The following PLB1 variants were observed in gnomAD, a reference collection of about 807,000 sequenced individuals.
PLB1 encodes phospholipase B1, membrane-associated.
Under a neutral mutation model 227.4 loss-of-function variants are expected in PLB1, and 242 were observed. That is an observed-to-expected ratio of 1.06 (90% CI 0.96 to 1.18). The LOEUF is 1.18. Ranked by LOEUF, PLB1 falls within the 50% of genes most tolerant of loss-of-function variation. The probability of loss-of-function intolerance (pLI) is 0.00; values close to 1 mark genes in which losing one functional copy is unlikely to be tolerated. For missense variants in PLB1, 1,858 were observed against 1,816.3 expected, an observed-to-expected ratio of 1.02 and a Z score of -0.42; for synonymous variants, 757 against 682.2, an observed-to-expected ratio of 1.11 and a Z score of -1.71.
intron 49 of PLB1, among the ~76,000 whole-genome samples, chr2:28,623,971 C>T (rs1160299521): frequency 1.3e-5 from 2 of 152,126 alleles, no homozygotes; most frequent in African/African-American, 4.8e-5. Context: ...GTGGCATGGA[C>T]CTGTAGTCCC....
chr2:28,582,557 C>T (rs1156906507), intron 25 of PLB1, 52 bp downstream of exon 25: 2 of 1,361,910 alleles, frequency 1.5e-6, no homozygotes, highest in East Asian at 2.5e-5. Context: ...CTGCTAAGGG[C>T]AGTGGCACCC....
At chr2:28,511,807 T>G (rs1347949146) in intron 1 of PLB1, among the ~76,000 whole-genome samples, 1 of 149,244 alleles carries the variant, frequency 6.7e-6, no homozygotes, top group East Asian at 2.0e-4. Flanking sequence ...TTTTTTGAGA[T>G]GGAGTTTTGC....
intron 1 of PLB1, among the ~76,000 whole-genome samples, chr2:28,502,240 T>C (rs1415925636): frequency 6.6e-6 from 1 of 152,306 alleles, no homozygotes; most frequent in Non-Finnish European, 1.5e-5. Context: ...TTTGATTATG[T>C]TTTCATATTT....
chr2:28,520,605 T>G (rs1325178969), intron 4 of PLB1, among the ~76,000 whole-genome samples: 4 of 152,128 alleles, frequency 2.6e-5, no homozygotes, highest in Non-Finnish European at 5.9e-5. Context: ...AACATCTCAT[T>G]CTCCTCTTCT....
rs367568773 is a variant in PLB1, at chr2:28,589,705, C to T, written c.1951C>T (p.Pro651Ser). Residue 651 changes from proline (P) to serine (S), a missense_variant, in exon 28 of 58, where the codon CCT (proline) becomes TCT (serine). By Grantham distance (74) the Pro-to-Ser change is moderately conservative. Coordinates refer to ENST00000327757, the MANE Select transcript of PLB1 (RefSeq NM_153021.5). ...EGLPDNSFFA[P>S]DCFHFSSKSH... ...ATTGCCTGACAACTCTTTCTTCGCT[C>T]CTGACTGTTTCCACTTCAGCAGCAA... The T allele has an allele frequency of 3.6e-5, 58 of 1,613,962 alleles. No homozygotes were observed. In the African/African-American group the frequency reaches 7.3e-4, roughly 20 times the overall value.
intron 34 of PLB1, 103 bp downstream of exon 34, chr2:28,598,151 T>TA: frequency 1.0e-6 from 1 of 968,304 alleles, no homozygotes; most frequent in Non-Finnish European, 1.6e-6. Context: ...ACATCTGCCT[T>TA]ATGGCCCAGC....
In PLB1 at chr2:28,590,021, A is replaced by C; in HGVS notation, c.2033A>C (p.Gln678Pro). The C allele has an allele frequency of 6.2e-7, 1 of 1,613,828 alleles. No homozygotes were observed. Among genetic ancestry groups the C allele is most frequent in the Non-Finnish European group, 8.5e-7 (1 of 1,179,748 alleles). The change falls in exon 29 of 58, where the codon CAG (glutamine) becomes CCG (proline). Residue 678 changes from glutamine to proline, a missense_variant. Physicochemically the swap from Gln to Pro is moderately conservative, Grantham distance 76. Transcript: ENST00000327757. The part of the protein sequence containing the change: ...LWNNMLEPVG[Q>P]KTTRHKFENK... The stretch of plus-strand genomic sequence containing the variant: ...TTTGTTTAGCTGGAGCCTGTTGGCC[A>C]GAAGACGACTCGTCATAAGTTTGAA...
Position 28,616,066 on chromosome 2 carries a change from T to C in PLB1, c.3196-1661T>C, listed in dbSNP as rs73922202. Among the ~76,000 whole-genome samples, 461 of 152,328 alleles carry C rather than the reference T, an allele frequency of 3.0e-3. 4 individuals carry two copies. Among genetic ancestry groups the C allele is most frequent in the African/African-American group, 0.011 (443 of 41,582 alleles). On this transcript the variant is annotated intron_variant, in intron 44 of 57. Transcript: ENST00000327757. ...AGTATAAATAGTGGTTATTAGAGGC[T>C]GGGAAGGGTGGATGGTGGTTGGGGA...
chr2:28,624,925 T>C, intron 49 of PLB1, 132 bp from the exon 50 acceptor site: 1 of 841,016 alleles, frequency 1.2e-6, no homozygotes, highest in Non-Finnish European at 1.9e-6. Context: ...TGAGATTTCT[T>C]GAGAATGGAA....
chr2:28,538,639 G>C (rs558702527), intron 10 of PLB1, among the ~76,000 whole-genome samples: 3 of 152,282 alleles, frequency 2.0e-5, no homozygotes, highest in East Asian at 3.9e-4. Flanking sequence ...CTTCCCTAAG[G>C]CCTCTCTCTA....
intron 6 of PLB1, among the ~76,000 whole-genome samples, 185 bp downstream of exon 6, chr2:28,526,130 G>C (rs370539298): frequency 2.6e-5 from 4 of 152,170 alleles, no homozygotes; most frequent in Admixed American, 2.6e-4. Flanking sequence ...AACCCTGAAT[G>C]GGGGTGTGCG....
Position 28,565,781 on chromosome 2 carries a change from G to A in PLB1, c.1280+428G>A, listed in dbSNP as rs986500545. Among the ~76,000 whole-genome samples the A allele has an allele frequency of 3.9e-5, 6 of 152,314 alleles. No homozygotes were observed. The East Asian group carries it at 1.2e-3, about 29-fold the overall frequency. ...CTGAGCTTCTCTCCTCATCTCTGATGCAGAAATAATGCTACTACCTGAGCA... is the reference window on the plus strand; with the variant it reads ...CTGAGCTTCTCTCCTCATCTCTGATACAGAAATAATGCTACTACCTGAGCA... On this transcript the variant is annotated intron_variant, in intron 19 of 57. Transcript: ENST00000327757.
intron 56 of PLB1, among the ~76,000 whole-genome samples, chr2:28,635,422 A>G (rs1423048711): frequency 6.6e-6 from 1 of 152,212 alleles, no homozygotes; most frequent in Non-Finnish European, 1.5e-5. Context: ...GCCCAACATA[A>G]CACAGACTGT....
chr2:28,616,830 TG>T (rs1195027243), intron 44 of PLB1, among the ~76,000 whole-genome samples: 1 of 152,246 alleles, frequency 6.6e-6, no homozygotes, highest in Non-Finnish European at 1.5e-5. Flanking sequence ...GTTCCATTTT[TG>T]CTCTCTCATG....
At chr2:28,525,429 C>T (rs1572749227) in intron 5 of PLB1, 122 bp downstream of exon 5, 2 of 1,094,876 alleles carry the variant, frequency 1.8e-6, no homozygotes, top group South Asian at 1.5e-5. Context: ...TCAAGGCTAC[C>T]CTCTGAGAAG....
At chr2:28,633,240 A>G in intron 56 of PLB1, 1 of 558,764 alleles carries the variant, frequency 1.8e-6, no homozygotes, top group Non-Finnish European at 3.2e-6. Context: ...AAAGTTATAC[A>G]AACACACACT....
rs1229346251 is a variant in PLB1 at position 28,604,036 on chromosome 2, C to A, written c.2845C>A (p.Arg949=). Residue 949 remains arginine (R), a synonymous_variant, in exon 40 of 58, where the codon CGA becomes AGA. Transcript: ENST00000327757. ...GCTAGCCAGGCTGGAGGCCTTCAGC[C>A]GAGCCTACCGGGTAAGACCAAGAAG... is the stretch of plus-strand genomic sequence containing the variant. The part of the protein sequence containing the change: ...QELARLEAFS[R]AYRSSMRELV... 5.6e-6 allele frequency: 9 copies of A among 1,613,766 alleles called. No homozygotes were observed. Among genetic ancestry groups the A allele is most frequent in the African/African-American group, 1.3e-5 (1 of 74,940 alleles).
At chr2:28,534,826 C>G (rs573097560) in intron 9 of PLB1, among the ~76,000 whole-genome samples, 34 of 151,838 alleles carry the variant, frequency 2.2e-4, no homozygotes, top group Admixed American at 7.9e-4. Flanking sequence ...TGCACTCCAG[C>G]CTGGGTGACA....
In PLB1 at chr2:28,585,924, G is replaced by A. The variant is rs998165469; in HGVS notation, c.1815+82G>A. 16 of 1,321,996 alleles carry A rather than the reference G, an allele frequency of 1.2e-5. No individual in the cohort carries two copies. In the African/African-American group the frequency reaches 2.3e-4, roughly 19 times the overall value. The allele number at this position is 1,321,996 out of a possible 1,614,324, so 81.9% of individuals were successfully genotyped here. Reference sequence around the variant, plus strand: ...TGTCTAGAGAACAAGTCAGTGCTTAGGTAATTTTGACCCTGTGTGGGGGAT... The same window carrying A: ...TGTCTAGAGAACAAGTCAGTGCTTAAGTAATTTTGACCCTGTGTGGGGGAT... On this transcript the variant is annotated intron_variant, in intron 26 of 57. Coordinates refer to ENST00000327757, the MANE Select transcript of PLB1 (RefSeq NM_153021.5).
Sources: gnomAD v4.1 joint callset for allele counts (sites outside exome capture counted in the v4.1 genomes callset) on GRCh38, gnomAD v4.1.1 for gene constraint, MANE v1.5 for transcripts, NCBI Gene and HGNC (gene_info 2026-07-23, HGNC 2026-07-21) for gene names.